PTPRT: variants seen among roughly 807,000 people sequenced by gnomAD.
The protein encoded by PTPRT is receptor-type tyrosine-protein phosphatase T.
PTPRT carries 56 observed loss-of-function variants against 176.8 expected under a neutral mutation model. That is an observed-to-expected ratio of 0.32 (90% CI 0.26 to 0.40). PTPRT has a LOEUF of 0.40. Among genes scored for constraint, PTPRT ranks in the 10% least tolerant of loss-of-function variants. PTPRT has a pLI of 1.00. For synonymous variants in PTPRT, 783 were observed against 739.0 expected (o/e 1.06, Z -0.96); for missense variants, 1,540 against 1,908.2 (o/e 0.81, Z 3.60).
chr20:42,553,253 A>G (rs2072800349), intron 7 of PTPRT, among the ~76,000 whole-genome samples: 1 of 152,092 alleles, frequency 6.6e-6, no homozygotes, highest in African/African-American at 2.4e-5. Flanking sequence ...CTTCCTCACT[A>G]TGTGCCATTC....
intron 6 of PTPRT, among the ~76,000 whole-genome samples, chr20:42,710,841 G>C (rs180899247): frequency 2.6e-5 from 4 of 152,362 alleles, no homozygotes; most frequent in Admixed American, 2.0e-4. Flanking sequence ...GCAGCCACAT[G>C]GGCTGTGTCC....
chr20:42,080,775 A>T lies in PTPRT; in HGVS notation c.*104T>A. 1 of 1,158,148 alleles carries T rather than the reference A, an allele frequency of 8.6e-7. No individual in the cohort carries two copies. Among genetic ancestry groups the T allele is most frequent in the Non-Finnish European group, 1.3e-6 (1 of 781,946 alleles). 71.7% of individuals were successfully genotyped at this position (1,158,148 alleles called of 1,614,324 possible). On this transcript the variant is annotated 3_prime_UTR_variant, in exon 31 of 31. Coordinates refer to ENST00000373187, the MANE Select transcript of PTPRT (RefSeq NM_007050.6). ...ACCAGTCTTCTCCTTGGAGTCAGGC[A>T]GGGTGCCACCTCAGAGCTCCTGAGC...
chr20:42,034,856 T>C, the PTPRT span, among the ~76,000 whole-genome samples: 15 of 152,268 alleles, frequency 9.9e-5, no homozygotes, highest in East Asian at 2.9e-3. Flanking sequence ...GTGGAGTGAA[T>C]GTAATGAGGT....
At chr20:42,999,980 C>T (rs1984458668) in intron 1 of PTPRT, among the ~76,000 whole-genome samples, 1 of 149,786 alleles carries the variant, frequency 6.7e-6, no homozygotes, top group Non-Finnish European at 1.5e-5. Context: ...AAGTCAGTGG[C>T]TCTGAAACAA....
At chr20:42,683,575 G>A (rs1418919221) in intron 6 of PTPRT, among the ~76,000 whole-genome samples, 1 of 152,196 alleles carries the variant, frequency 6.6e-6, no homozygotes, top group African/African-American at 2.4e-5. Flanking sequence ...ACCATGCCCA[G>A]CCTTCAATTA....
chr20:42,637,389 C>A (rs368362693), intron 7 of PTPRT, among the ~76,000 whole-genome samples: 1 of 152,104 alleles, frequency 6.6e-6, no homozygotes, highest in Non-Finnish European at 1.5e-5. Flanking sequence ...TTGCTAGCAC[C>A]ACTCAAGGCT....
chr20:42,593,822 TA>T (rs1176291009), intron 7 of PTPRT, among the ~76,000 whole-genome samples: 1 of 152,216 alleles, frequency 6.6e-6, no homozygotes, highest in Non-Finnish European at 1.5e-5. Flanking sequence ...TTGCATTTTT[TA>T]AACCTTGAAT....
chr20:42,691,996 C>A (rs2075800600), intron 6 of PTPRT, among the ~76,000 whole-genome samples: 1 of 152,042 alleles, frequency 6.6e-6, no homozygotes, highest in South Asian at 2.1e-4. Flanking sequence ...AAGCATAGGC[C>A]CAGGGAACTC....
intron 17 of PTPRT, among the ~76,000 whole-genome samples, chr20:42,153,231 G>A (rs1434982454): frequency 6.6e-6 from 1 of 152,150 alleles, no homozygotes; most frequent in Non-Finnish European, 1.5e-5. Context: ...TCTATCTCCA[G>A]TGCCCAGTGT....
chr20:42,463,780 C>T (rs1311329809), intron 8 of PTPRT, among the ~76,000 whole-genome samples: 1 of 152,124 alleles, frequency 6.6e-6, no homozygotes, highest in Non-Finnish European at 1.5e-5. Flanking sequence ...TTTTGTCTCT[C>T]CACTTCAGTT....
intron 9 of PTPRT, among the ~76,000 whole-genome samples, chr20:42,356,303 A>C (rs2058357436): frequency 6.6e-6 from 1 of 152,200 alleles, no homozygotes; most frequent in African/African-American, 2.4e-5. Flanking sequence ...GGCTCCTGGC[A>C]TGGGTTCTGG....
chr20:42,449,916 C>A (rs947796045), intron 8 of PTPRT, among the ~76,000 whole-genome samples: 12 of 152,028 alleles, frequency 7.9e-5, no homozygotes, highest in Non-Finnish European at 1.6e-4. Context: ...TCTTTTTATG[C>A]ATATAAAATT....
At position 42,647,994 on chromosome 20, in the gene PTPRT, C is replaced by T. The variant is rs2074944925; in HGVS notation, c.1153+29872G>A. 4.8e-5 allele frequency among the ~76,000 whole-genome samples: 7 copies of T among 144,370 alleles called. No individual in the cohort carries two copies. The South Asian group carries it at 1.6e-3, about 32-fold the overall frequency. 94.7% of individuals were successfully genotyped at this position (144,370 alleles called of 152,430 possible). The stretch of plus-strand genomic sequence containing the variant: ...CTACTCAAGATGGCAACCAAGGACA[C>T]TTTGGAGATAGCAGCTTAGAAATGG... On this transcript the variant is annotated intron_variant, in intron 7 of 30. Transcript: ENST00000373187.
intron 1 of PTPRT, among the ~76,000 whole-genome samples, chr20:42,908,739 T>A (rs2079509837): frequency 6.6e-6 from 1 of 152,250 alleles, no homozygotes. Flanking sequence ...TATGCTATAC[T>A]ATTTCAGGGT....
chr20:42,354,732 G>T (rs2145538379), intron 9 of PTPRT, among the ~76,000 whole-genome samples: 1 of 152,292 alleles, frequency 6.6e-6, no homozygotes, highest in Non-Finnish European at 1.5e-5. Flanking sequence ...AGGCAGAAAA[G>T]GAAGCACACC....
chr20:42,670,635 A>T (rs1480286695), intron 7 of PTPRT, among the ~76,000 whole-genome samples: 3 of 152,200 alleles, frequency 2.0e-5, no homozygotes, highest in South Asian at 2.1e-4. Flanking sequence ...TCAACAGCGT[A>T]TGTGGTGTCT....
At chr20:43,026,994 T>C (rs1462942130) in intron 1 of PTPRT, among the ~76,000 whole-genome samples, 1 of 152,198 alleles carries the variant, frequency 6.6e-6, no homozygotes, top group Non-Finnish European at 1.5e-5. Flanking sequence ...CTCAGTTGCT[T>C]CCAAATCTTG....
At chr20:42,191,556 A>G (rs978536876) in intron 16 of PTPRT, among the ~76,000 whole-genome samples, 21 of 152,240 alleles carry the variant, frequency 1.4e-4, no homozygotes, top group African/African-American at 4.6e-4. Context: ...AAAAACAGAA[A>G]TTTATTCCGA....
chr20:42,799,775 T>C (rs1379425362), intron 2 of PTPRT, among the ~76,000 whole-genome samples: 1 of 152,200 alleles, frequency 6.6e-6, no homozygotes, highest in Non-Finnish European at 1.5e-5. Flanking sequence ...GCAAGAATTC[T>C]GTCTGTTTCT....
Sources: gnomAD v4.1 joint callset for allele counts (sites outside exome capture counted in the v4.1 genomes callset) on GRCh38, gnomAD v4.1.1 for gene constraint, MANE v1.5 for transcripts, NCBI Gene and HGNC (gene_info 2026-07-23, HGNC 2026-07-21) for gene names.